Variants in CLTCL1 observed in about 807,000 individuals in gnomAD.
The protein encoded by CLTCL1 is clathrin heavy chain 2.
Under a neutral mutation model 190.0 loss-of-function variants are expected in CLTCL1, and 159 were observed. The ratio of observed to expected loss-of-function variants is 0.84; its 90% CI spans 0.74 to 0.95. CLTCL1 has a LOEUF of 0.95. Ranked by LOEUF, CLTCL1 falls within the 40% of genes least tolerant of loss-of-function variation. The probability of loss-of-function intolerance (pLI) is 0.00; values close to 1 mark genes in which losing one functional copy is unlikely to be tolerated. For synonymous variants in CLTCL1, 752 were observed against 769.6 expected (o/e 0.98, Z 0.38); for missense variants, 1,878 against 2,033.4 (o/e 0.92, Z 1.47).
intron 2 of CLTCL1, among the ~76,000 whole-genome samples, chr22:19,270,055 T>C (rs188736336): frequency 6.6e-6 from 1 of 151,952 alleles, no homozygotes; most frequent in East Asian, 1.9e-4. Context: ...AGCTAAAAAC[T>C]GGAAACAATC....
In CLTCL1 at chr22:19,229,917, T is replaced by G; in HGVS notation, c.1703A>C (p.Asp568Ala). The change falls in exon 11 of 33, where the codon GAT (aspartate) becomes GCT (alanine). Residue 568 changes from aspartate (D) to alanine (A), a missense_variant. By Grantham distance (126) the Asp-to-Ala change is moderately radical. Coordinates refer to ENST00000427926, the MANE Select transcript of CLTCL1 (RefSeq NM_007098.4). ...LIQQCTSFLL[D>A]ALKNNRPAEG... ...AGCTGGGCGATTATTCTTCAAGGCA[T>G]CCAATAAGAAGGAAGTACACTGCTG... is the stretch of plus-strand genomic sequence containing the variant. 1 of 1,611,470 alleles carries G rather than the reference T, an allele frequency of 6.2e-7. No individual in the cohort carries two copies. The highest frequency in any genetic ancestry group is 8.5e-7 in the Non-Finnish European group (1 of 1,178,988).
chr22:19,213,111 C>T (rs536303602), intron 19 of CLTCL1, among the ~76,000 whole-genome samples: 1 of 152,112 alleles, frequency 6.6e-6, no homozygotes, highest in African/African-American at 2.4e-5. Flanking sequence ...ATACAAAGAA[C>T]TCTGAAAACT....
intron 22 of CLTCL1, among the ~76,000 whole-genome samples, chr22:19,203,657 C>G (rs901201826): frequency 4.6e-5 from 7 of 152,284 alleles, no homozygotes; most frequent in Non-Finnish European, 8.8e-5. Flanking sequence ...CCCCCCAGCC[C>G]CACACCCCCA....
intron 18 of CLTCL1, among the ~76,000 whole-genome samples, chr22:19,217,143 T>A (rs186341794): frequency 1.9e-3 from 284 of 152,310 alleles, no homozygotes; most frequent in Non-Finnish European, 3.2e-3. Flanking sequence ...GCAAAAGTTC[T>A]ACCTCTGTGG....
chr22:19,278,951 A>C (rs2087609502), intron 1 of CLTCL1, among the ~76,000 whole-genome samples: 1 of 152,056 alleles, frequency 6.6e-6, no homozygotes, highest in Non-Finnish European at 1.5e-5. Context: ...CATGTTGGCC[A>C]GGCTGGTCTC....
chr22:19,185,461 G>A (rs1288562594), intron 29 of CLTCL1, among the ~76,000 whole-genome samples: 2 of 152,078 alleles, frequency 1.3e-5, no homozygotes, highest in Admixed American at 6.5e-5. Context: ...TGAGTGGCTG[G>A]GACTACAGGC....
intron 26 of CLTCL1, among the ~76,000 whole-genome samples, chr22:19,192,127 G>T (rs2084529258): frequency 6.8e-6 from 1 of 146,106 alleles, no homozygotes; most frequent in Non-Finnish European, 1.5e-5. Context: ...GTGCAGTGGT[G>T]CGATCTCTGC....
chr22:19,275,006 G>C (rs2146288170), intron 2 of CLTCL1, among the ~76,000 whole-genome samples: 1 of 152,246 alleles, frequency 6.6e-6, no homozygotes, highest in Non-Finnish European at 1.5e-5. Context: ...TGGGATTACA[G>C]GCATGAGTCA....
chr22:19,239,314 A>T lies in CLTCL1; in HGVS notation c.756T>A (p.Phe252Leu). Residue 252 changes from phenylalanine (F) to leucine (L), a missense_variant, in exon 5 of 33, where the codon TTT becomes TTA. Physicochemically the swap from Phe to Leu is conservative, Grantham distance 22 (BLOSUM62 0). Transcript: ENST00000427926. ...GAAAATCATTCTGTGCCTCTGGAGG[A>T]AAAAACACATCTACTGCTTTCTTTA... The part of the protein sequence containing the change: ...PFVKKAVDVF[F>L]PPEAQNDFPV... 1 of 1,613,988 alleles carries T rather than the reference A, an allele frequency of 6.2e-7. No homozygotes were observed. Among genetic ancestry groups the T allele is most frequent in the South Asian group, 1.1e-5 (1 of 91,080 alleles).
chr22:19,210,584 T>A, intron 19 of CLTCL1, 75 bp from the exon 20 acceptor site: 1 of 1,318,498 alleles, frequency 7.6e-7, no homozygotes, highest in Non-Finnish European at 1.0e-6. Context: ...AGGTCAGGCA[T>A]CCCCAGACCC....
intron 14 of CLTCL1, 55 bp from the exon 15 acceptor site, chr22:19,222,864 ACC>A: frequency 6.4e-7 from 1 of 1,558,480 alleles, no homozygotes; most frequent in Non-Finnish European, 8.7e-7. Context: ...AGACAGCCAG[ACC>A]TCGGACTCAT....
intron 4 of CLTCL1, among the ~76,000 whole-genome samples, chr22:19,242,190 A>G (rs1053158589): frequency 1.3e-5 from 2 of 151,306 alleles, no homozygotes; most frequent in Non-Finnish European, 2.9e-5. Context: ...CAATCCACCC[A>G]CCTCGGCCTC....
At chr22:19,286,421 G>C (rs188017104) in intron 1 of CLTCL1, among the ~76,000 whole-genome samples, 20 of 149,302 alleles carry the variant, frequency 1.3e-4, no homozygotes, top group African/African-American at 4.2e-4. Context: ...AGTTTACATG[G>C]TATCTTAAAA....
At chr22:19,241,226 G>T (rs965006138) in intron 4 of CLTCL1, among the ~76,000 whole-genome samples, 1 of 152,198 alleles carries the variant, frequency 6.6e-6, no homozygotes, top group Non-Finnish European at 1.5e-5. Flanking sequence ...CTCTTCTTGG[G>T]GCTGCCGTCT....
chr22:19,230,413 T>C (rs2085885764), intron 10 of CLTCL1, among the ~76,000 whole-genome samples: 1 of 152,082 alleles, frequency 6.6e-6, no homozygotes, highest in Non-Finnish European at 1.5e-5. Context: ...CCCTTTCCAT[T>C]TTCTTCTGTC....
chr22:19,243,798 C>G lies in CLTCL1; in HGVS notation c.520-862G>C, dbSNP rs546648954. Among the ~76,000 whole-genome samples, 3 of 148,702 alleles carry G rather than the reference C, an allele frequency of 2.0e-5. No individual in the cohort carries two copies. The East Asian group carries it at 6.0e-4, about 30-fold the overall frequency. On this transcript the variant is annotated intron_variant, in intron 3 of 32. Coordinates refer to ENST00000427926, the MANE Select transcript of CLTCL1 (RefSeq NM_007098.4). ...CTGCAAGCTTCGCCTCCTGGGTTCA[C>G]GCCATTCTCCTGCCTCAGCCTCCTG...
At chr22:19,197,818 C>T (rs2084758687) in intron 24 of CLTCL1, among the ~76,000 whole-genome samples, 1 of 152,150 alleles carries the variant, frequency 6.6e-6, no homozygotes, top group Admixed American at 6.5e-5. Flanking sequence ...TCCCACTGTA[C>T]TGGCTGCTCC....
At chr22:19,261,561 A>G (rs781984490) in intron 2 of CLTCL1, among the ~76,000 whole-genome samples, 1 of 152,228 alleles carries the variant, frequency 6.6e-6, no homozygotes, top group Non-Finnish European at 1.5e-5. Context: ...CAAAATATCA[A>G]TATTAACAGG....
intron 4 of CLTCL1, among the ~76,000 whole-genome samples, chr22:19,240,880 A>G (rs1197130920): frequency 6.6e-6 from 1 of 152,244 alleles, no homozygotes; most frequent in African/African-American, 2.4e-5. Flanking sequence ...TCAGGGCAGC[A>G]GCAGGAGGAG....
Sources: gnomAD v4.1 joint callset for allele counts (sites outside exome capture counted in the v4.1 genomes callset) on GRCh38, gnomAD v4.1.1 for gene constraint, MANE v1.5 for transcripts, NCBI Gene and HGNC (gene_info 2026-07-23, HGNC 2026-07-21) for gene names.